The following CSMD2 variants were observed in gnomAD, a reference collection of about 807,000 sequenced individuals.
CSMD2 encodes the protein CUB and Sushi multiple domains 2.
A neutral mutation model predicts 398.5 loss-of-function variants in CSMD2; 130 were observed. The ratio of observed to expected loss-of-function variants is 0.33; its 90% CI spans 0.28 to 0.38. The LOEUF (loss-of-function observed/expected upper bound fraction) is 0.38, where lower values mean the gene tolerates loss of function less well. Ranked by LOEUF, CSMD2 falls within the 10% of genes least tolerant of loss-of-function variation. The probability of loss-of-function intolerance (pLI) is 1.00; values close to 1 mark genes in which losing one functional copy is unlikely to be tolerated. For missense variants in CSMD2, 3,829 were observed against 4,764.9 expected (o/e 0.80, Z 5.78); for synonymous variants, 1,828 against 1,908.5 (o/e 0.96, Z 1.10).
At chr1:34,121,994 G>GT (rs35586514) in intron 1 of CSMD2, among the ~76,000 whole-genome samples, 53,940 of 142,520 alleles carry the variant, frequency 0.38, 10,451 homozygotes, top group East Asian at 0.68. Context: ...AATTTTTCTG[G>GT]TTTTTTTTTT....
chr1:34,009,359 G>C (rs1418491435), intron 3 of CSMD2, among the ~76,000 whole-genome samples: 2 of 149,510 alleles, frequency 1.3e-5, no homozygotes, highest in Non-Finnish European at 3.0e-5. Context: ...GGGGGTGGGG[G>C]AAGGTGGAAG....
intron 5 of CSMD2, among the ~76,000 whole-genome samples, chr1:33,910,605 T>C (rs1340781970): frequency 1.3e-5 from 2 of 151,922 alleles, no homozygotes; most frequent in Non-Finnish European, 2.9e-5. Context: ...TATTGAGGGG[T>C]GGGCACATGA....
chr1:33,815,781 TATC>T (rs1217956283), intron 9 of CSMD2, among the ~76,000 whole-genome samples: 2 of 152,254 alleles, frequency 1.3e-5, no homozygotes, highest in African/African-American at 4.8e-5. Flanking sequence ...ATAAGAGCTT[TATC>T]ATTAGCACAT....
At chr1:33,780,988 G>A (rs942995996) in intron 12 of CSMD2, among the ~76,000 whole-genome samples, 12 of 152,202 alleles carry the variant, frequency 7.9e-5, no homozygotes, top group Admixed American at 7.9e-4. Flanking sequence ...TGTCCTAGAG[G>A]GAGTGGTGAG....
chr1:33,690,588 A>C (rs1645202559), intron 25 of CSMD2, among the ~76,000 whole-genome samples: 1 of 152,224 alleles, frequency 6.6e-6, no homozygotes, highest in African/African-American at 2.4e-5. Context: ...TCAATGAATG[A>C]TGCTCCAAGT....
At chr1:33,693,515 G>T (rs962963064) in intron 24 of CSMD2, among the ~76,000 whole-genome samples, 1 of 152,176 alleles carries the variant, frequency 6.6e-6, no homozygotes, top group African/African-American at 2.4e-5. Context: ...TGGTGCAGCT[G>T]CTTTCAAAAA....
chr1:34,075,964 T>G (rs9425985), intron 2 of CSMD2, among the ~76,000 whole-genome samples: 5,022 of 152,288 alleles, frequency 0.033, 271 homozygotes, highest in African/African-American at 0.11. Context: ...TGATCCATTA[T>G]GAGAAGAATC....
intron 2 of CSMD2, among the ~76,000 whole-genome samples, chr1:34,058,878 C>T (rs556864493): frequency 6.6e-6 from 1 of 152,296 alleles, no homozygotes; most frequent in East Asian, 1.9e-4. Flanking sequence ...GCCATGGATG[C>T]TATATTTTTA....
intron 12 of CSMD2, among the ~76,000 whole-genome samples, chr1:33,785,244 T>C (rs1653383225): frequency 6.6e-6 from 1 of 152,224 alleles, no homozygotes; most frequent in African/African-American, 2.4e-5. Context: ...AATGGACAAA[T>C]GAACTTGTGA....
chr1:33,683,033 G>A (rs893271095), intron 25 of CSMD2, among the ~76,000 whole-genome samples: 3 of 152,064 alleles, frequency 2.0e-5, no homozygotes, highest in African/African-American at 7.2e-5. Context: ...TGTGCTTCCT[G>A]GATTGGCACT....
chr1:33,936,740 G>C (rs1221875173), intron 3 of CSMD2, among the ~76,000 whole-genome samples: 2 of 152,218 alleles, frequency 1.3e-5, no homozygotes, highest in African/African-American at 4.8e-5. Context: ...TGTTCTAACT[G>C]ACCCAGCTTC....
At chr1:33,521,417 T>TGC in intron 68 of CSMD2, 46 bp downstream of exon 68, 5 of 1,082,958 alleles carry the variant, frequency 4.6e-6, no homozygotes, top group Non-Finnish European at 5.7e-6. Flanking sequence ...ACGGTTTCTC[T>TGC]CCCACCCACC....
Position 33,533,701 on chromosome 1 carries a change from T to C in CSMD2, c.9991+95A>G, listed in dbSNP as rs1655479573. On this transcript the variant is annotated intron_variant, in intron 63 of 70. Coordinates refer to ENST00000373381, the MANE Select transcript of CSMD2 (RefSeq NM_001281956.2). The surrounding 1 kb of genome is among the most constrained non-coding windows in gnomAD (Gnocchi z 4.2). ...CGATGTCGGTTCGCATGGGGAGTTG[T>C]GAACTCCCTGTCATTCAGAGCATTC... 1.3e-6 allele frequency: 1 copy of C among 788,008 alleles called. No homozygotes were observed. Among genetic ancestry groups the C allele is most frequent in the Admixed American group, 2.1e-5 (1 of 47,326 alleles). The allele number at this position is 788,008 out of a possible 1,614,324, so 48.8% of individuals were successfully genotyped here.
intron 13 of CSMD2, among the ~76,000 whole-genome samples, chr1:33,753,100 C>T (rs1178224418): frequency 6.6e-6 from 1 of 152,200 alleles, no homozygotes; most frequent in Admixed American, 6.5e-5. Context: ...CAACCTGACC[C>T]TGTGGTAAAG....
intron 3 of CSMD2, 23 bp downstream of exon 3, chr1:34,032,571 T>A: frequency 3.4e-6 from 5 of 1,474,360 alleles, no homozygotes; most frequent in Non-Finnish European, 4.6e-6. Flanking sequence ...CCGGCTCCTG[T>A]GGCCGATGAG....
Position 33,724,235 on chromosome 1 carries a change from A to C in CSMD2, c.2963T>G (p.Leu988Trp). 1 of 1,613,908 alleles carries C rather than the reference A, an allele frequency of 6.2e-7. No homozygotes were observed. The highest frequency in any genetic ancestry group is 8.5e-7 in the Non-Finnish European group (1 of 1,179,888). The part of the protein sequence containing the change: ...PGFPDFYPNN[L>W]NCTWIIETSH... Reference sequence around the variant, plus strand: ...TGTTTCGATAATCCAGGTGCAGTTCAAGTTGTTGGGGTAGAAGTCAGGGAA... The same window carrying C: ...TGTTTCGATAATCCAGGTGCAGTTCCAGTTGTTGGGGTAGAAGTCAGGGAA... Residue 988 changes from leucine to tryptophan, a missense_variant, in exon 19 of 71, where the codon TTG becomes TGG. By Grantham distance (61) the Leu-to-Trp change is moderately conservative (BLOSUM62 -2). This residue lies in a region of CSMD2 where 2,001 missense variants were observed against 2,567.1 expected (regional missense o/e 0.78). Coordinates refer to ENST00000373381, the MANE Select transcript of CSMD2 (RefSeq NM_001281956.2).
At chr1:34,061,890 A>G (rs1022825069) in intron 2 of CSMD2, among the ~76,000 whole-genome samples, 11 of 152,290 alleles carry the variant, frequency 7.2e-5, no homozygotes, top group African/African-American at 2.2e-4. Context: ...GTCTATGCAC[A>G]TGGCCCTAGA....
chr1:33,815,843 G>A (rs116539453), intron 9 of CSMD2, among the ~76,000 whole-genome samples: 1,571 of 152,296 alleles, frequency 0.01, 26 homozygotes, highest in African/African-American at 0.036. Flanking sequence ...AATGGGGCAT[G>A]TACTCTAGTA....
intron 5 of CSMD2, among the ~76,000 whole-genome samples, chr1:33,848,585 T>C (rs1638455639): frequency 6.6e-6 from 1 of 152,168 alleles, no homozygotes; most frequent in Non-Finnish European, 1.5e-5. Flanking sequence ...TCTTCATAAA[T>C]ATGCATTAAA....
Sources: gnomAD v4.1 joint callset for allele counts (sites outside exome capture counted in the v4.1 genomes callset) on GRCh38, gnomAD v4.1.1 for gene constraint, gnomAD v4.1.1 regional missense constraint, Gnocchi (gnomAD v3.1) non-coding constraint, MANE v1.5 for transcripts, NCBI Gene and HGNC (gene_info 2026-07-23, HGNC 2026-07-21) for gene names.